Variants in CACNG2 observed in about 807,000 individuals in gnomAD.
CACNG2 encodes the protein voltage-dependent calcium channel gamma-2 subunit.
CACNG2 carries 3 observed loss-of-function variants against 25.9 expected under a neutral mutation model. That is an observed-to-expected ratio of 0.12 (90% CI 0.05 to 0.30). CACNG2 has a LOEUF of 0.30. Ranked by LOEUF, CACNG2 falls within the 10% of genes least tolerant of loss-of-function variation. The pLI is 1.00. For missense variants in CACNG2, 341 were observed against 432.5 expected (o/e 0.79, Z 1.88); for synonymous variants, 167 against 173.3 (o/e 0.96, Z 0.29).
At chr22:36,601,068 T>C (rs919047632) in intron 1 of CACNG2, among the ~76,000 whole-genome samples, 5 of 152,164 alleles carry the variant, frequency 3.3e-5, no homozygotes, top group African/African-American at 1.2e-4. Flanking sequence ...AGTCCCCATG[T>C]TGTACATTAG....
At position 36,588,817 on chromosome 22, in the gene CACNG2, T is replaced by G. The variant is rs145957648; in HGVS notation, c.212-1269A>C. Among the ~76,000 whole-genome samples the G allele has an allele frequency of 2.7e-3, 409 of 152,302 alleles. 4 individuals are homozygous for G. Among genetic ancestry groups the G allele is most frequent in the African/African-American group, 9.3e-3 (387 of 41,550 alleles). ...GTGAGACAGAAATGAAATTTGACTG[T>G]GTCCAGCCACCAACATAGTAGCTAC... On this transcript the variant is annotated intron_variant, in intron 1 of 3. Coordinates refer to ENST00000300105, the MANE Select transcript of CACNG2 (RefSeq NM_006078.5).
At chr22:36,694,935 G>A (rs1054312570) in intron 1 of CACNG2, among the ~76,000 whole-genome samples, 10 of 152,176 alleles carry the variant, frequency 6.6e-5, no homozygotes, top group African/African-American at 2.4e-4. Context: ...CAGGAAAAGA[G>A]CCAGGCACAG....
At chr22:36,702,058 T>C (rs1296846932) in intron 1 of CACNG2, among the ~76,000 whole-genome samples, 1 of 152,092 alleles carries the variant, frequency 6.6e-6, no homozygotes, top group South Asian at 2.1e-4. Flanking sequence ...TCCTAATGAC[T>C]CCAAAGCAGG....
At chr22:36,632,041 A>T (rs1157279321) in intron 1 of CACNG2, among the ~76,000 whole-genome samples, 1 of 152,226 alleles carries the variant, frequency 6.6e-6, no homozygotes, top group Admixed American at 6.5e-5. Flanking sequence ...CTTGAAGAAC[A>T]CGCCACACTG....
chr22:36,599,003 A>G (rs1209354760), intron 1 of CACNG2, among the ~76,000 whole-genome samples: 2 of 152,210 alleles, frequency 1.3e-5, no homozygotes, highest in Non-Finnish European at 2.9e-5. Context: ...TGAATATATC[A>G]AAACATACGT....
intron 2 of CACNG2, among the ~76,000 whole-genome samples, chr22:36,575,577 T>A (rs1390664387): frequency 6.6e-6 from 1 of 152,154 alleles, no homozygotes; most frequent in East Asian, 1.9e-4. Flanking sequence ...GGGCCTGCTG[T>A]GCACTCTTTG....
chr22:36,643,328 G>C (rs1033872205), intron 1 of CACNG2, among the ~76,000 whole-genome samples: 15 of 141,296 alleles, frequency 1.1e-4, no homozygotes, highest in African/African-American at 3.7e-4. Flanking sequence ...CTCTTTCTCT[G>C]TCTCTCTCTC....
At chr22:36,660,067 G>A (rs999113583) in intron 1 of CACNG2, among the ~76,000 whole-genome samples, 8 of 152,200 alleles carry the variant, frequency 5.3e-5, no homozygotes, top group African/African-American at 1.9e-4. Flanking sequence ...CACAAGCCGG[G>A]GCCTCCCAGG....
chr22:36,671,021 C>T (rs565757894), intron 1 of CACNG2, among the ~76,000 whole-genome samples: 15 of 151,620 alleles, frequency 9.9e-5, no homozygotes, highest in Non-Finnish European at 1.9e-4. Flanking sequence ...TGGGTTCAAG[C>T]GATTCTTGAG....
chr22:36,669,508 C>CAAAA (rs1157379465), intron 1 of CACNG2, among the ~76,000 whole-genome samples: 9 of 61,630 alleles, frequency 1.5e-4, no homozygotes, highest in Admixed American at 2.3e-4. Context: ...ACTCTATCTC[C>CAAAA]AAAAAAAAAA....
chr22:36,610,996 T>C (rs1935931459), intron 1 of CACNG2, among the ~76,000 whole-genome samples: 1 of 152,234 alleles, frequency 6.6e-6, no homozygotes, highest in Non-Finnish European at 1.5e-5. Context: ...ATTCCTGTCA[T>C]TTAAAACAAT....
At chr22:36,646,727 C>T (rs1980382935) in intron 1 of CACNG2, among the ~76,000 whole-genome samples, 2 of 151,706 alleles carry the variant, frequency 1.3e-5, no homozygotes, top group Admixed American at 1.3e-4. Flanking sequence ...CAGCTTTCCC[C>T]CAACCCTTTT....
intron 1 of CACNG2, among the ~76,000 whole-genome samples, chr22:36,691,049 C>T (rs1937262787): frequency 6.6e-6 from 1 of 152,200 alleles, no homozygotes; most frequent in Admixed American, 6.5e-5. Flanking sequence ...CTTGTTCACA[C>T]CTCTTCCTAG....
At chr22:36,683,174 C>T (rs1371358158) in intron 1 of CACNG2, among the ~76,000 whole-genome samples, 1 of 152,192 alleles carries the variant, frequency 6.6e-6, no homozygotes, top group African/African-American at 2.4e-5. Context: ...TCCAGGCCCC[C>T]ACATTAATAC....
chr22:36,665,967 C>T (rs540688475), intron 1 of CACNG2, among the ~76,000 whole-genome samples: 37 of 152,298 alleles, frequency 2.4e-4, no homozygotes, highest in African/African-American at 8.2e-4. Flanking sequence ...AATAGCAACC[C>T]GTGTCTGTCG....
At position 36,563,840 on chromosome 22, in the gene CACNG2, G is replaced by A. The variant is rs1935071198; in HGVS notation, c.*511C>T. 1.6e-5 allele frequency: 2 copies of A among 126,588 alleles called. No individual in the cohort carries two copies. Among genetic ancestry groups the A allele is most frequent in the African/African-American group, 3.0e-5 (1 of 32,902 alleles). The allele number at this position is 126,588 out of a possible 1,614,324, so 7.8% of individuals were successfully genotyped here. ...AGGGAACAGAAAAGTAACTCTCCCC[G>A]AGTTAAAAAAAAAAAAAAAAAGTAA... is the stretch of plus-strand genomic sequence containing the variant. On this transcript the variant is annotated 3_prime_UTR_variant, in exon 4 of 4. Coordinates refer to ENST00000300105, the MANE Select transcript of CACNG2 (RefSeq NM_006078.5).
chr22:36,587,714 T>C (rs1452921468), intron 1 of CACNG2, among the ~76,000 whole-genome samples, 166 bp from the exon 2 acceptor site: 2 of 152,174 alleles, frequency 1.3e-5, no homozygotes, highest in East Asian at 1.9e-4. Flanking sequence ...GCCTGGTGAA[T>C]CACAACACAC....
chr22:36,598,024 T>A lies in CACNG2; in HGVS notation c.212-10476A>T, dbSNP rs554641718. 1.4e-4 allele frequency among the ~76,000 whole-genome samples: 21 copies of A among 152,372 alleles called. No individual in the cohort carries two copies. The South Asian group carries it at 3.1e-3, about 23-fold the overall frequency. Reference sequence around the variant, plus strand: ...TTTCCTTGATTCTAAGACGCTCACATGCAAATTTCAATGTTTCTGAAATTG... The same window carrying A: ...TTTCCTTGATTCTAAGACGCTCACAAGCAAATTTCAATGTTTCTGAAATTG... On this transcript the variant is annotated intron_variant, in intron 1 of 3. Coordinates refer to ENST00000300105, the MANE Select transcript of CACNG2 (RefSeq NM_006078.5).
At chr22:36,642,090 G>A (rs925762755) in intron 1 of CACNG2, among the ~76,000 whole-genome samples, 14 of 152,106 alleles carry the variant, frequency 9.2e-5, no homozygotes, top group Admixed American at 1.3e-4. Context: ...TCCAAAAATC[G>A]GAGGGGAAGC....
Sources: gnomAD v4.1 joint callset for allele counts (sites outside exome capture counted in the v4.1 genomes callset) on GRCh38, gnomAD v4.1.1 for gene constraint, MANE v1.5 for transcripts, NCBI Gene and HGNC (gene_info 2026-07-23, HGNC 2026-07-21) for gene names.